Variants in CERS6 observed in about 807,000 individuals in gnomAD.
CERS6 encodes the protein LAG1 homolog, ceramide synthase 6.
In CERS6, 26 loss-of-function variants were observed where a neutral mutation model predicts 56.8. The observed-to-expected ratio is 0.46, with a 90% CI of 0.34 to 0.63. The LOEUF (loss-of-function observed/expected upper bound fraction) is 0.63. CERS6 is among the 30% of genes least tolerant of loss of function. The pLI is 0.01. For synonymous variants in CERS6, 164 were observed against 173.3 expected, an observed-to-expected ratio of 0.95 and a Z score of 0.42; for missense variants, 415 against 467.5, an observed-to-expected ratio of 0.89 and a Z score of 1.04.
At chr2:168,523,365 C>T (rs1228659971) in intron 1 of CERS6, among the ~76,000 whole-genome samples, 1 of 152,036 alleles carries the variant, frequency 6.6e-6, no homozygotes. Flanking sequence ...TTCTCTACAC[C>T]TGCTAGGGAA....
intron 4 of CERS6, among the ~76,000 whole-genome samples, chr2:168,646,775 A>G (rs1166600710): frequency 6.6e-6 from 1 of 152,188 alleles, no homozygotes; most frequent in Non-Finnish European, 1.5e-5. Context: ...CAGTTATCTC[A>G]GCACCATTTA....
chr2:168,635,820 T>C (rs1684848854), intron 4 of CERS6, among the ~76,000 whole-genome samples: 1 of 152,180 alleles, frequency 6.6e-6, no homozygotes, highest in African/African-American at 2.4e-5. Flanking sequence ...AGCCTTTCAT[T>C]CTTCATGCGG....
At chr2:168,470,114 G>A (rs1031946605) in intron 1 of CERS6, among the ~76,000 whole-genome samples, 17 of 150,382 alleles carry the variant, frequency 1.1e-4, no homozygotes, top group Non-Finnish European at 2.1e-4. Context: ...GGTCAGGACA[G>A]TAACTCATGC....
At chr2:168,594,488 G>A (rs1442461209) in intron 3 of CERS6, among the ~76,000 whole-genome samples, 1 of 152,162 alleles carries the variant, frequency 6.6e-6, no homozygotes, top group Non-Finnish European at 1.5e-5. Context: ...GGGAGACTGA[G>A]GCAGGAGGAT....
In CERS6 at chr2:168,590,049, C is replaced by T. The variant is rs566182957; in HGVS notation, c.407+28727C>T. 2.0e-5 allele frequency among the ~76,000 whole-genome samples: 3 copies of T among 152,318 alleles called. No individual in the cohort carries two copies. The East Asian group carries it at 5.8e-4, about 29-fold the overall frequency. On this transcript the variant is annotated intron_variant, in intron 3 of 9. Transcript: ENST00000305747. Reference sequence around the variant, plus strand: ...AACCAGTACAGTACCTGAGAGAAGACTCCAGAAGTGCTCAGTTGACTGATA... The same window carrying T: ...AACCAGTACAGTACCTGAGAGAAGATTCCAGAAGTGCTCAGTTGACTGATA...
At chr2:168,721,781 G>A (rs1331587979) in intron 8 of CERS6, among the ~76,000 whole-genome samples, 2 of 151,874 alleles carry the variant, frequency 1.3e-5, no homozygotes, top group African/African-American at 4.8e-5. Flanking sequence ...ACAATACCCA[G>A]CTGATTTATT....
intron 3 of CERS6, among the ~76,000 whole-genome samples, chr2:168,584,978 G>A (rs1683506905): frequency 6.6e-6 from 1 of 152,236 alleles, no homozygotes; most frequent in South Asian, 2.1e-4. Flanking sequence ...GAAAGAGATG[G>A]CAGAAAGAGT....
chr2:168,464,451 G>A (rs79391491), intron 1 of CERS6, among the ~76,000 whole-genome samples: 3 of 152,022 alleles, frequency 2.0e-5, no homozygotes, highest in African/African-American at 4.8e-5. Context: ...ATAAGCCACC[G>A]CACCTGGCCT....
intron 1 of CERS6, among the ~76,000 whole-genome samples, chr2:168,464,714 T>C (rs539290185): frequency 7.5e-4 from 110 of 147,626 alleles, no homozygotes; most frequent in African/African-American, 2.8e-3. Flanking sequence ...AAAAAAAAAC[T>C]ACTCTACTCC....
At chr2:168,746,809 ATATATATATAT>A in intron 8 of CERS6, among the ~76,000 whole-genome samples, 1 of 114,610 alleles carries the variant, frequency 8.7e-6, no homozygotes, top group African/African-American at 3.5e-5. Flanking sequence ...ATATATATAT[ATATATATATAT>A]AAAATCATCT....
intron 8 of CERS6, among the ~76,000 whole-genome samples, chr2:168,746,235 C>T (rs1467533410): frequency 2.0e-5 from 3 of 152,164 alleles, no homozygotes; most frequent in African/African-American, 7.2e-5. Flanking sequence ...GTTTTAGCAA[C>T]CTCACTTATA....
intron 4 of CERS6, among the ~76,000 whole-genome samples, chr2:168,665,218 A>G (rs1229922464): frequency 6.6e-6 from 1 of 151,922 alleles, no homozygotes; most frequent in Admixed American, 6.6e-5. Flanking sequence ...ACAAGTGTTC[A>G]TTTTTCCTGA....
intron 7 of CERS6, among the ~76,000 whole-genome samples, chr2:168,715,664 A>G (rs544709366): frequency 7.6e-4 from 115 of 152,252 alleles, no homozygotes; most frequent in African/African-American, 2.6e-3. Flanking sequence ...TTACATATGA[A>G]TTGGTTACTA....
At chr2:168,582,643 A>G (rs2105397305) in intron 3 of CERS6, among the ~76,000 whole-genome samples, 1 of 152,300 alleles carries the variant, frequency 6.6e-6, no homozygotes, top group East Asian at 1.9e-4. Flanking sequence ...GAAAACTAGA[A>G]TTTTCATACA....
intron 1 of CERS6, among the ~76,000 whole-genome samples, chr2:168,462,830 G>A (rs1332198020): frequency 6.6e-6 from 1 of 152,140 alleles, no homozygotes; most frequent in African/African-American, 2.4e-5. Flanking sequence ...CACTGCAGCT[G>A]GTCAGGGTGA....
At chr2:168,645,185 A>G (rs1260019265) in intron 4 of CERS6, among the ~76,000 whole-genome samples, 1 of 105,938 alleles carries the variant, frequency 9.4e-6, no homozygotes, top group Non-Finnish European at 1.8e-5. Flanking sequence ...AGAGAGAGAG[A>G]GAGAGTAACT....
intron 1 of CERS6, among the ~76,000 whole-genome samples, chr2:168,499,039 C>T (rs1490297696): frequency 6.6e-6 from 1 of 152,122 alleles, no homozygotes; most frequent in Non-Finnish European, 1.5e-5. Flanking sequence ...ACATTCTCCC[C>T]CTTTTGGCTG....
At chr2:168,652,799 G>T (rs989733796) in intron 4 of CERS6, among the ~76,000 whole-genome samples, 1 of 152,006 alleles carries the variant, frequency 6.6e-6, no homozygotes, top group Non-Finnish European at 1.5e-5. Context: ...AAAAAATCAC[G>T]ATCTTCCTCA....
chr2:168,595,378 A>G (rs939274584), intron 3 of CERS6, among the ~76,000 whole-genome samples: 27 of 152,156 alleles, frequency 1.8e-4, no homozygotes, highest in African/African-American at 6.0e-4. Flanking sequence ...CTTCCCTTTC[A>G]TGTGGTTTTT....
Sources: allele counts gnomAD v4.1 joint callset (sites outside exome capture counted in the v4.1 genomes callset), GRCh38; gene constraint gnomAD v4.1.1; transcripts MANE v1.5; gene names NCBI Gene and HGNC (gene_info 2026-07-23, HGNC 2026-07-21).